Variants in ABHD17A observed in about 807,000 individuals in gnomAD.
ABHD17A encodes alpha/beta hydrolase domain-containing protein 17A.
A neutral mutation model predicts 26.8 loss-of-function variants in ABHD17A; 10 were observed. The observed-to-expected ratio is 0.37, with a 90% confidence interval of 0.23 to 0.63. ABHD17A has a LOEUF of 0.63. Among genes scored for constraint, ABHD17A ranks in the 30% least tolerant of loss-of-function variants. The pLI is 0.61. For synonymous variants in ABHD17A, 167 were observed against 210.9 expected, an observed-to-expected ratio of 0.79 and a Z score of 1.80; for missense variants, 292 against 457.3, an observed-to-expected ratio of 0.64 and a Z score of 3.30.
In ABHD17A at chr19:1,879,699, C is replaced by T; in HGVS notation, c.527+222G>A. On this transcript the variant is annotated intron_variant, in intron 3 of 4. Transcript: ENST00000292577. The surrounding 1 kb of genome is among the most constrained non-coding windows in gnomAD (Gnocchi z 7.6). Reference sequence around the variant, plus strand: ...GGGGTTCCCAGGGAACCTGGCTCCACAGGCCAGGGTGTGGGAGGACCGCCT... The same window carrying T: ...GGGGTTCCCAGGGAACCTGGCTCCATAGGCCAGGGTGTGGGAGGACCGCCT... 1 of 577,114 alleles carries T rather than the reference C, an allele frequency of 1.7e-6. No homozygotes were observed. The highest frequency in any genetic ancestry group is 3.1e-6 in the Non-Finnish European group (1 of 322,582). 35.7% of individuals were successfully genotyped at this position (577,114 alleles called of 1,614,324 possible).
In ABHD17A at chr19:1,881,274, C is replaced by T. The variant is rs17849277; in HGVS notation, c.293G>A (p.Arg98His). The T allele has an allele frequency of 0.014, 22,373 of 1,611,100 alleles. 103 individuals carry two copies. The highest frequency in any genetic ancestry group is 0.017 in the Non-Finnish European group (20,349 of 1,179,684). The change falls in exon 2 of 5, where the codon CGC (arginine) becomes CAC (histidine). Residue 98 changes from arginine (R) to histidine (H), a missense_variant. By Grantham distance (29) the Arg-to-His change is conservative. Coordinates refer to ENST00000292577, the MANE Select transcript of ABHD17A (RefSeq NM_001130111.2). ...GCAGCGAACATACATGCAGGAGACGCGGTTGCCGCGGGCGCTCTTGGTGGG... is the reference window on the plus strand; with the variant it reads ...GCAGCGAACATACATGCAGGAGACGTGGTTGCCGCGGGCGCTCTTGGTGGG... ...VFPTKSARGN[R>H]VSCMYVRCVP...
chr19:1,877,284 C>G lies in ABHD17A; in HGVS notation c.849G>C (p.Gly283=), dbSNP rs781141234. The change falls in exon 5 of 5, where the codon GGG becomes GGC. Residue 283 remains glycine, a synonymous_variant. Coordinates refer to ENST00000292577, the MANE Select transcript of ABHD17A (RefSeq NM_001130111.2). ...GGCTGTAGAGCTCGATGTCGTTGTG[C>G]CCGGCGCCCTCCACCCACAGCGGCT... ...AVEPLWVEGA[G]HNDIELYSQY... 1.1e-4 allele frequency: 170 copies of G among 1,529,980 alleles called. No individual in the cohort carries two copies. In the African/African-American group the frequency reaches 1.9e-3, roughly 17 times the overall value. 94.8% of individuals were successfully genotyped at this position (1,529,980 alleles called of 1,614,324 possible).
chr19:1,884,177 C>T (rs2012613334), intron 1 of ABHD17A, among the ~76,000 whole-genome samples: 1 of 152,112 alleles, frequency 6.6e-6, no homozygotes, highest in Admixed American at 6.6e-5. Context: ...ACCTCCAAAC[C>T]AGAAACTCTA....
chr19:1,881,836 TG>T, intron 1 of ABHD17A, 32 bp from the exon 2 acceptor site: 3 of 413,820 alleles, frequency 7.2e-6, no homozygotes, highest in Non-Finnish European at 1.3e-5. Flanking sequence ...TGGGGTCCTT[TG>T]GGGGTGCCAC....
At chr19:1,885,001 G>C (rs1399875303) in intron 1 of ABHD17A, among the ~76,000 whole-genome samples, 2 of 152,216 alleles carry the variant, frequency 1.3e-5, no homozygotes, top group South Asian at 2.1e-4. Context: ...GGGCCCCTGG[G>C]AGCTGCCTTG....
chr19:1,881,447 C>G lies in ABHD17A; in HGVS notation c.120G>C (p.Glu40Asp). 1 of 1,602,906 alleles carries G rather than the reference C, an allele frequency of 6.2e-7. No homozygotes were observed. Among genetic ancestry groups the G allele is most frequent in the Non-Finnish European group, 8.5e-7 (1 of 1,178,354 alleles). Residue 40 changes from glutamate (E) to aspartate (D), a missense_variant, in exon 2 of 5, where the codon GAG becomes GAC. This residue lies in a region of ABHD17A where 171 missense variants were observed against 216.1 expected (regional missense o/e 0.79). Transcript: ENST00000292577. The stretch of plus-strand genomic sequence containing the variant: ...CGGCCCCACCAGGCCCCGGCTCGGG[C>G]TCAGGCACCAGGGAGTAGGTGGCCT... ...PPEATYSLVPEPEPGPGGAGA... is the reference protein window; with the variant it reads ...PPEATYSLVPDPEPGPGGAGA...
At chr19:1,881,181 ACG>A in intron 2 of ABHD17A, 52 bp downstream of exon 2, 1 of 1,603,174 alleles carries the variant, frequency 6.2e-7, no homozygotes, top group Non-Finnish European at 8.5e-7. Context: ...GCAGGCAGAA[ACG>A]GGAGCCCCAA....
rs2012463263 is a variant in ABHD17A, at chr19:1,879,556, C to T, written c.527+365G>A. On this transcript the variant is annotated intron_variant, in intron 3 of 4. Transcript: ENST00000292577. This position sits in a 1 kb window ranked among gnomAD's most constrained non-coding sequence, Gnocchi z 7.6. ...CGCCTCACTTGGCCCCAAGTGCTGC[C>T]TCGGCCGATGGGCTCCCAGCCACAC... 3.0e-6 allele frequency: 1 copy of T among 329,546 alleles called. No homozygotes were observed. The highest frequency in any genetic ancestry group is 3.0e-5 in the South Asian group (1 of 33,782). The allele number at this position is 329,546 out of a possible 1,614,324, so 20.4% of individuals were successfully genotyped here.
Position 1,880,393 on chromosome 19 carries a change from C to G in ABHD17A, c.333-278G>C. Among the ~76,000 whole-genome samples the G allele has an allele frequency of 6.6e-6, 1 of 152,212 alleles. No individual in the cohort carries two copies. The highest frequency in any genetic ancestry group is 1.9e-4 in the East Asian group (1 of 5,186). On this transcript the variant is annotated intron_variant, in intron 2 of 4. Coordinates refer to ENST00000292577, the MANE Select transcript of ABHD17A (RefSeq NM_001130111.2). This position sits in a 1 kb window ranked among gnomAD's most constrained non-coding sequence, Gnocchi z 4.1. ...AGCCAGGGAGCCTCAGGATTCCCAT[C>G]TGTGAAGCGGGACACTGGGACCATC...
At position 1,880,829 on chromosome 19, in the gene ABHD17A, G is replaced by A; in HGVS notation, c.332+406C>T. 6.3e-7 allele frequency: 1 copy of A among 1,591,092 alleles called. No homozygotes were observed. The highest frequency in any genetic ancestry group is 2.2e-5 in the East Asian group (1 of 44,472). On this transcript the variant is annotated intron_variant, in intron 2 of 4. Coordinates refer to ENST00000292577, the MANE Select transcript of ABHD17A (RefSeq NM_001130111.2). The surrounding 1 kb of genome is among the most constrained non-coding windows in gnomAD (Gnocchi z 4.1). ...GGACTGCTTCCTCCAGTTCCCCCAGGCCCCCACCTAGCCCAGCCAGAAGGT... is the reference window on the plus strand; with the variant it reads ...GGACTGCTTCCTCCAGTTCCCCCAGACCCCCACCTAGCCCAGCCAGAAGGT...
At position 1,880,170 on chromosome 19, in the gene ABHD17A, G is replaced by A; in HGVS notation, c.333-55C>T. The A allele has an allele frequency of 6.3e-7, 1 of 1,593,684 alleles. No individual in the cohort carries two copies. The highest frequency in any genetic ancestry group is 8.6e-7 in the Non-Finnish European group (1 of 1,167,880). Reference sequence around the variant, plus strand: ...TCCTCGCTCCCAGCGCCCAGCTGCAGGGCAGGAGGATGCGTAGTGACAGCC... The same window carrying A: ...TCCTCGCTCCCAGCGCCCAGCTGCAAGGCAGGAGGATGCGTAGTGACAGCC... On this transcript the variant is annotated intron_variant, in intron 2 of 4. Coordinates refer to ENST00000292577, the MANE Select transcript of ABHD17A (RefSeq NM_001130111.2). The surrounding 1 kb of genome is among the most constrained non-coding windows in gnomAD (Gnocchi z 4.1).
chr19:1,882,724 G>A (rs1568744997), intron 1 of ABHD17A: 1 of 152,186 alleles, frequency 6.6e-6, no homozygotes, highest in Non-Finnish European at 1.5e-5. Flanking sequence ...AACCACAATA[G>A]TGTAAGGACC....
rs756960378 is a variant in ABHD17A, at chr19:1,881,553, G to C, written c.14C>G (p.Ser5Trp). 6.2e-7 allele frequency: 1 copy of C among 1,600,110 alleles called. No homozygotes were observed. Among genetic ancestry groups the C allele is most frequent in the Non-Finnish European group, 8.5e-7 (1 of 1,177,576 alleles). Residue 5 changes from serine (S) to tryptophan (W), a missense_variant, in exon 2 of 5, where the codon TCG becomes TGG. By Grantham distance (177) the Ser-to-Trp change is radical. Transcript: ENST00000292577. ...GAAGAGGCAGCAGAGCTCACTCAGC[G>C]ACAGCCCATTCATGGCGGGCGCCGC... The part of the protein sequence containing the change: MNGL[S>W]LSELCCLFCC...
intron 2 of ABHD17A, 162 bp downstream of exon 2, chr19:1,881,073 A>T (rs1336576093): frequency 6.3e-7 from 1 of 1,594,004 alleles, no homozygotes; most frequent in Admixed American, 1.7e-5. Flanking sequence ...TGCCAGAGGG[A>T]CGAGGCCGGC....
At chr19:1,877,991 G>C (rs1388969920) in intron 3 of ABHD17A, 10 of 420,606 alleles carry the variant, frequency 2.4e-5, no homozygotes, top group East Asian at 1.4e-4. Context: ...GGGAGGCCCT[G>C]GCGCCTCTCC....
chr19:1,885,308 A>C (rs2012649920), intron 1 of ABHD17A, 44 bp downstream of exon 1: 1 of 149,814 alleles, frequency 6.7e-6, no homozygotes, highest in Non-Finnish European at 1.5e-5. Flanking sequence ...CCGGCCCGGG[A>C]CCCCGCGCGG....
At position 1,880,196 on chromosome 19, in the gene ABHD17A, C is replaced by A; in HGVS notation, c.333-81G>T. 6.7e-7 allele frequency: 1 copy of A among 1,501,648 alleles called. No individual in the cohort carries two copies. Among genetic ancestry groups the A allele is most frequent in the Admixed American group, 1.9e-5 (1 of 52,716 alleles). The allele number at this position is 1,501,648 out of a possible 1,614,324, so 93.0% of individuals were successfully genotyped here. On this transcript the variant is annotated intron_variant, in intron 2 of 4. Coordinates refer to ENST00000292577, the MANE Select transcript of ABHD17A (RefSeq NM_001130111.2). The surrounding 1 kb of genome is among the most constrained non-coding windows in gnomAD (Gnocchi z 4.1). ...GGCAGGAGGATGCGTAGTGACAGCC[C>A]ACCCCGGTGGCCAGCCATGCCCAGT...
chr19:1,882,750 G>T (rs1031544938), intron 1 of ABHD17A: 3 of 152,140 alleles, frequency 2.0e-5, no homozygotes, highest in South Asian at 2.1e-4. Context: ...ACAGACAGAC[G>T]TGAAGAAAAC....
chr19:1,884,764 C>T (rs2012630706), intron 1 of ABHD17A, among the ~76,000 whole-genome samples: 1 of 152,168 alleles, frequency 6.6e-6, no homozygotes, highest in South Asian at 2.1e-4. Flanking sequence ...AAGAGAGAGC[C>T]TGGGACGGGT....
Sources: gnomAD v4.1 joint callset for allele counts (sites outside exome capture counted in the v4.1 genomes callset) on GRCh38, gnomAD v4.1.1 for gene constraint, gnomAD v4.1.1 regional missense constraint, Gnocchi (gnomAD v3.1) non-coding constraint, MANE v1.5 for transcripts, NCBI Gene and HGNC (gene_info 2026-07-23, HGNC 2026-07-21) for gene names.